Variants in HCFC1 observed in about 807,000 individuals in gnomAD.
HCFC1 encodes host cell factor 1.
In HCFC1, 7 loss-of-function variants were observed where a neutral mutation model predicts 105.5. The observed-to-expected ratio is 0.07, with a 90% CI of 0.04 to 0.12. HCFC1 has a LOEUF of 0.12. Ranked by LOEUF, HCFC1 falls within the 10% of genes least tolerant of loss-of-function variation. The probability of loss-of-function intolerance (pLI) is 1.00; values close to 1 mark genes in which losing one functional copy is unlikely to be tolerated. For missense variants in HCFC1, 1,065 were observed against 1,823.6 expected, an observed-to-expected ratio of 0.58 and a Z score of 7.58; for synonymous variants, 918 against 828.1, an observed-to-expected ratio of 1.11 and a Z score of -1.86.
intron 1 of HCFC1, chrX:153,969,889 G>C (rs1278024694): frequency 8.8e-6 from 1 of 113,029 alleles, no homozygotes; most frequent in East Asian, 2.8e-4. Flanking sequence ...TTGTAAACCA[G>C]AAGGCACCAG....
At chrX:153,953,955 G>A in intron 17 of HCFC1, 111 bp downstream of exon 17, 1 of 970,272 alleles carries the variant, frequency 1.0e-6, no homozygotes, top group South Asian at 2.3e-5. Context: ...TAAATTGGGT[G>A]CCAAGGAGCC....
chrX:153,970,541 G>A (rs1557119785), intron 1 of HCFC1, 107 bp downstream of exon 1: 1 of 518,165 alleles, frequency 1.9e-6, no homozygotes, highest in Non-Finnish European at 3.2e-6. Context: ...GGAGATGGAG[G>A]GAGGGAGGAG....
At position 153,960,090 on chromosome X, in the gene HCFC1, C is replaced by T. The variant is rs1557116349; in HGVS notation, c.1156G>A (p.Ala386Thr). 1.7e-6 allele frequency: 2 copies of T among 1,210,834 alleles called. No homozygotes were observed. Among genetic ancestry groups the T allele is most frequent in the Non-Finnish European group, 2.2e-6 (2 of 894,844 alleles). ...AGGTAGCTGTCGGCTGTTGCCACTG[C>T]CCCCCAGCTCACCTCCAGGGAGTTG... is the stretch of plus-strand genomic sequence containing the variant. ...NTNSLEVSWG[A>T]VATADSYLLQ... The change falls in exon 8 of 26, where the codon GCA (alanine) becomes ACA (threonine). Residue 386 changes from alanine (A) to threonine (T), a missense_variant. By Grantham distance (58) the Ala-to-Thr change is moderately conservative. This residue lies in a region of HCFC1 where 101 missense variants were observed against 155.1 expected (regional missense o/e 0.65). Transcript: ENST00000310441.
rs730106 is a variant in HCFC1 at position 153,956,206 on chromosome X, T to C, written c.2841A>G (p.Pro947=). ...CCTGCCCTACCTGCATGGTGATGGTTGGGGTTGTGAGCCCGCCTGCCGCTG... is the reference window on the plus strand; with the variant it reads ...CCTGCCCTACCTGCATGGTGATGGTCGGGGTTGTGAGCCCGCCTGCCGCTG... ...TLTAAGGLTT[P]TITMQPVSQP... The change falls in exon 16 of 26, where the codon CCA becomes CCG. Residue 947 remains proline (P), a synonymous_variant. Coordinates refer to ENST00000310441, the MANE Select transcript of HCFC1 (RefSeq NM_005334.3). 308,984 of 1,208,505 alleles carry C rather than the reference T, an allele frequency of 0.26. 39,227 individuals are homozygous for C. The highest frequency in any genetic ancestry group is 0.75 in the East Asian group (25,304 of 33,711).
At chrX:153,966,614 C>T (rs974993601) in intron 1 of HCFC1, among the ~76,000 whole-genome samples, 1 of 112,412 alleles carries the variant, frequency 8.9e-6, no homozygotes, top group Non-Finnish European at 1.9e-5. Context: ...AAACGCATAA[C>T]GAGACCTAAG....
chrX:153,959,749 T>C, intron 8 of HCFC1, 53 bp downstream of exon 8: 1 of 1,140,454 alleles, frequency 8.8e-7, no homozygotes, highest in Non-Finnish European at 1.2e-6. Context: ...GGCCGCTGCC[T>C]CTCCCCGGAG....
chrX:153,957,986 A>ACTGGCAGTGGCCGTAGC (rs782818166), intron 11 of HCFC1, 39 bp downstream of exon 11: 29 of 1,171,554 alleles, frequency 2.5e-5, no homozygotes, highest in Non-Finnish European at 3.4e-5. Context: ...GCCATTCACC[A>ACTGGCAGTGGCCGTAGC]CTGGCAGTGG....
At chrX:153,954,020 G>A in intron 17 of HCFC1, 46 bp downstream of exon 17, 2 of 1,149,753 alleles carry the variant, frequency 1.7e-6, no homozygotes, top group Non-Finnish European at 2.3e-6. Context: ...CTTTCAGCCT[G>A]GGGGGCTGGG....
At chrX:153,959,269 A>C (rs1557116016) in intron 9 of HCFC1, 62 bp downstream of exon 9, 16 of 1,110,622 alleles carry the variant, frequency 1.4e-5, no homozygotes. Flanking sequence ...CCCTCAGTAC[A>C]CTTGCAACTT....
intron 13 of HCFC1, 84 bp downstream of exon 13, chrX:153,957,230 A>C: frequency 5.0e-6 from 5 of 998,645 alleles, no homozygotes; most frequent in Non-Finnish European, 5.5e-6. Flanking sequence ...AACTAAACAG[A>C]AACACAGCAC....
Position 153,971,392 on chromosome X carries a change from A to T in HCFC1, c.-552T>A, listed in dbSNP as rs1195846384. On this transcript the variant is annotated 5_prime_UTR_variant, in exon 1 of 26. Coordinates refer to ENST00000310441, the MANE Select transcript of HCFC1 (RefSeq NM_005334.3). ...TTGAGACCGTCCCGCTTCCCCGCCC[A>T]GCGCCTTAGTGCAGCCGCCGCTCCC... 1 of 293,114 alleles carries T rather than the reference A, an allele frequency of 3.4e-6. No individual in the cohort carries two copies. Among genetic ancestry groups the T allele is most frequent in the Non-Finnish European group, 5.9e-6 (1 of 168,528 alleles). The allele number at this position is 293,114 out of a possible 1,213,427, so 24.2% of individuals were successfully genotyped here. A position where few individuals can be genotyped will look rare whatever the true frequency, so the allele number is the denominator to read the frequency against.
Position 153,952,891 on chromosome X carries a change from G to T in HCFC1, c.4565C>A (p.Ser1522Ter). 8.5e-7 allele frequency: 1 copy of T among 1,182,023 alleles called. No individual in the cohort carries two copies. The part of the protein sequence containing the change: ...QQLPPRQLLQ[S>*]ASTALMGESA... Reference sequence around the variant, plus strand: ...CTCCCCCATCAGGGCTGTGGAAGCCGACTGCAGAAGCTGCCGTGGCGGCAG... The same window carrying T: ...CTCCCCCATCAGGGCTGTGGAAGCCTACTGCAGAAGCTGCCGTGGCGGCAG... Residue 1522 changes from serine (S) to a stop codon, truncating the protein, a stop_gained, in exon 19 of 26, where the codon TCG becomes TAG. Coordinates refer to ENST00000310441, the MANE Select transcript of HCFC1 (RefSeq NM_005334.3). LOFTEE classifies it high-confidence loss of function.
chrX:153,971,450 C>T lies in HCFC1; in HGVS notation c.-610G>A. The T allele has an allele frequency of 1.0e-5, 3 of 294,384 alleles. No homozygotes were observed. The highest frequency in any genetic ancestry group is 1.8e-5 in the Non-Finnish European group (3 of 168,299). 24.3% of individuals were successfully genotyped at this position (294,384 alleles called of 1,213,427 possible). A position where few individuals can be genotyped will look rare whatever the true frequency, so the allele number is the denominator to read the frequency against. ...CCTCGACACACCTAACGAATGGAGG[C>T]GGGCCGGAGGCCGGTGGAACCAGCT... On this transcript the variant is annotated 5_prime_UTR_variant, in exon 1 of 26. Transcript: ENST00000310441.
At chrX:153,951,732 G>A (rs782614549) in intron 20 of HCFC1, 25 bp from the exon 21 acceptor site, 1 of 1,185,881 alleles carries the variant, frequency 8.4e-7, no homozygotes, top group South Asian at 1.9e-5. Context: ...GGTGTCAGCG[G>A]GAAAGACTCG....
chrX:153,951,797 G>T, intron 20 of HCFC1, 44 bp downstream of exon 20: 1 of 1,171,228 alleles, frequency 8.5e-7, no homozygotes, highest in Non-Finnish European at 1.1e-6. Context: ...CACCTCCCTG[G>T]GTGCCCCCAC....
rs1259347673 is a variant in HCFC1, at chrX:153,954,940, A to G, written c.3459T>C (p.Thr1153=). The part of the protein sequence containing the change: ...TPAVIRISVA[T]GALEAAQGSK... The stretch of plus-strand genomic sequence containing the variant: ...AGCCCTGGGCTGCCTCCAGCGCCCC[A>G]GTGGCCACACTGATCCGGATCACGG... Residue 1153 remains threonine (T), a synonymous_variant, in exon 17 of 26, where the codon ACT becomes ACC. Coordinates refer to ENST00000310441, the MANE Select transcript of HCFC1 (RefSeq NM_005334.3). The G allele has an allele frequency of 4.8e-5, 57 of 1,193,281 alleles. No homozygotes were observed. In the Admixed American group the frequency reaches 1.2e-3, roughly 26 times the overall value.
In HCFC1 at chrX:153,954,314, G is replaced by T. The variant is rs926538058; in HGVS notation, c.4085C>A (p.Thr1362Asn). 2 of 1,197,826 alleles carry T rather than the reference G, an allele frequency of 1.7e-6. No individual in the cohort carries two copies. Among genetic ancestry groups the T allele is most frequent in the Admixed American group, 2.2e-5 (1 of 45,189 alleles). ...PAGRPCETHQ[T>N]TSTGTTMSVS... Reference sequence around the variant, plus strand: ...CGACATGGTGGTGCCAGTGGAAGTGGTCTGGTGTGTCTCACAGGGGCGACC... The same window carrying T: ...CGACATGGTGGTGCCAGTGGAAGTGTTCTGGTGTGTCTCACAGGGGCGACC... The change falls in exon 17 of 26, where the codon ACC becomes AAC. Residue 1362 changes from threonine to asparagine, a missense_variant. Thr to Asn is a moderately conservative substitution (Grantham distance 65). This residue lies in a region of HCFC1 where 546 missense variants were observed against 599.9 expected (regional missense o/e 0.91). Transcript: ENST00000310441.
intron 18 of HCFC1, among the ~76,000 whole-genome samples, chrX:153,953,383 C>T (rs1195846892): frequency 3.6e-5 from 4 of 112,101 alleles, no homozygotes; most frequent in African/African-American, 1.3e-4. Flanking sequence ...AAGTGACACG[C>T]GATGAGAACC....
Position 153,969,025 on chromosome X carries a change from CGAAA to C in HCFC1, c.193+1619_193+1622del, listed in dbSNP as rs782018684. Among the ~76,000 whole-genome samples, 7 of 112,232 alleles carry C rather than the reference CGAAA, an allele frequency of 6.2e-5. No homozygotes were observed. In the South Asian group the frequency reaches 2.2e-3, roughly 36 times the overall value. Reference sequence around the variant, plus strand: ...GCAACAGGTGCTGAGAGACCTGGAACGAAAAACGGTCACAGACAACCCACCAGCC... The same window carrying C: ...GCAACAGGTGCTGAGAGACCTGGAACAACGGTCACAGACAACCCACCAGCC... On this transcript the variant is annotated intron_variant, in intron 1 of 25. Coordinates refer to ENST00000310441, the MANE Select transcript of HCFC1 (RefSeq NM_005334.3).
Sources: allele counts gnomAD v4.1 joint callset (sites outside exome capture counted in the v4.1 genomes callset), GRCh38; gene constraint gnomAD v4.1.1; regional missense constraint gnomAD v4.1.1; transcripts MANE v1.5; gene names NCBI Gene and HGNC (gene_info 2026-07-23, HGNC 2026-07-21).